Variants in RAD52 observed in about 807,000 individuals in gnomAD.
RAD52 encodes DNA repair protein RAD52 homolog.
In RAD52, 47 loss-of-function variants were observed where a neutral mutation model predicts 55.5. That is an observed-to-expected ratio of 0.85 (90% confidence interval 0.67 to 1.08). The LOEUF (loss-of-function observed/expected upper bound fraction) is 1.08. Ranked by LOEUF, RAD52 falls within the 50% of genes least tolerant of loss-of-function variation. RAD52 has a pLI of 0.00. For missense variants in RAD52, 468 were observed against 522.8 expected (o/e 0.90, Z 1.02); for synonymous variants, 184 against 198.9 (o/e 0.92, Z 0.63).
intron 1 of RAD52, among the ~76,000 whole-genome samples, chr12:968,354 T>A (rs771623751): frequency 6.6e-6 from 1 of 152,012 alleles, no homozygotes; most frequent in Non-Finnish European, 1.5e-5. Context: ...ACAATCCTGG[T>A]GACCCCAGGA....
At chr12:942,380 T>C (rs1364253613) in intron 1 of RAD52, among the ~76,000 whole-genome samples, 1 of 152,162 alleles carries the variant, frequency 6.6e-6, no homozygotes, top group Non-Finnish European at 1.5e-5. Flanking sequence ...GGAAAAGAAA[T>C]TAATATTTAA....
chr12:929,983 C>T, intron 4 of RAD52, 68 bp downstream of exon 4: 1 of 1,576,766 alleles, frequency 6.3e-7, no homozygotes, highest in Non-Finnish European at 8.7e-7. Flanking sequence ...CTTACCTCCT[C>T]ACCCACAGCA....
chr12:932,124 G>A lies in RAD52; in HGVS notation c.85-803C>T, dbSNP rs577051916. ...CTGTAATTCCAGCATTTAGGAGGCC[G>A]AGGCAGGCAGATCACGAGGTCAGGA... On this transcript the variant is annotated intron_variant, in intron 2 of 11. Coordinates refer to ENST00000358495, the MANE Select transcript of RAD52 (RefSeq NM_134424.4). 2.6e-5 allele frequency among the ~76,000 whole-genome samples: 4 copies of A among 152,288 alleles called. No homozygotes were observed. In the South Asian group the frequency reaches 6.2e-4, roughly 24 times the overall value.
Position 914,080 on chromosome 12 carries a change from C to T in RAD52, c.1009G>A (p.Asp337Asn), listed in dbSNP as rs184776294. ...GGCTTGACCACACCATCCCCTGCATCGGGAGTCACAGCCCACTTTTCAGAG... is the reference window on the plus strand; with the variant it reads ...GGCTTGACCACACCATCCCCTGCATTGGGAGTCACAGCCCACTTTTCAGAG... ...DNSEKWAVTP[D>N]AGDGVVKPSS... The change falls in exon 11 of 12, where the codon GAT becomes AAT. Residue 337 changes from aspartate (D) to asparagine (N), a missense_variant. By Grantham distance (23) the Asp-to-Asn change is conservative. Coordinates refer to ENST00000358495, the MANE Select transcript of RAD52 (RefSeq NM_134424.4). The T allele has an allele frequency of 1.5e-5, 25 of 1,614,126 alleles. No homozygotes were observed. In the East Asian group the frequency reaches 3.3e-4, roughly 22 times the overall value.
chr12:965,329 T>G (rs1238215215), intron 1 of RAD52, among the ~76,000 whole-genome samples: 1 of 152,084 alleles, frequency 6.6e-6, no homozygotes, highest in African/African-American at 2.4e-5. Context: ...ATATTTTTCT[T>G]GATGTCTCAG....
intron 1 of RAD52, among the ~76,000 whole-genome samples, chr12:938,576 C>A (rs889377237): frequency 4.6e-5 from 7 of 152,046 alleles, no homozygotes; most frequent in Admixed American, 4.6e-4. Flanking sequence ...CCCAGCAACA[C>A]GGGAGGCTGA....
intron 6 of RAD52, chr12:926,682 C>T (rs1957053433): frequency 5.2e-6 from 6 of 1,151,896 alleles, no homozygotes; most frequent in Non-Finnish European, 6.0e-6. Flanking sequence ...GAATCATAAG[C>T]CAATCAAACC....
chr12:954,690 T>G (rs763828797), upstream of RAD52, among the ~76,000 whole-genome samples: 6 of 152,222 alleles, frequency 3.9e-5, no homozygotes, highest in Non-Finnish European at 8.8e-5. Flanking sequence ...TGATTAATCC[T>G]TTTAAAATTG....
chr12:935,357 C>G (rs1957556424), intron 1 of RAD52, among the ~76,000 whole-genome samples: 1 of 150,666 alleles, frequency 6.6e-6, no homozygotes, highest in South Asian at 2.1e-4. Flanking sequence ...CCTTAACCAG[C>G]AGCATCACCA....
At chr12:941,490 G>A (rs1046525729) in intron 1 of RAD52, among the ~76,000 whole-genome samples, 18 of 151,702 alleles carry the variant, frequency 1.2e-4, no homozygotes, top group African/African-American at 4.1e-4. Context: ...GGCAAATTTT[G>A]TATTTTTCGT....
At chr12:927,052 A>G (rs1957074497) in intron 6 of RAD52, 93 bp downstream of exon 6, 4 of 1,516,956 alleles carry the variant, frequency 2.6e-6, no homozygotes, top group Non-Finnish European at 3.6e-6. Flanking sequence ...TTTTTGAACC[A>G]TGTGGATGTG....
chr12:981,575 G>A (rs1027137081), intron 1 of RAD52, among the ~76,000 whole-genome samples: 2 of 151,880 alleles, frequency 1.3e-5, no homozygotes, highest in African/African-American at 4.8e-5. Context: ...ATGGGGACAT[G>A]GGTCCCAAGC....
chr12:951,039 A>G (rs1189746521), upstream of RAD52, among the ~76,000 whole-genome samples: 1 of 152,128 alleles, frequency 6.6e-6, no homozygotes, highest in Non-Finnish European at 1.5e-5. Context: ...GGTGTGAGCC[A>G]CTGTGCCCAG....
intron 1 of RAD52, among the ~76,000 whole-genome samples, chr12:945,120 G>A (rs141183915): frequency 6.8e-4 from 103 of 152,274 alleles, no homozygotes; most frequent in African/African-American, 2.1e-3. Context: ...GAAGGCCAAT[G>A]CAGACAGATC....
chr12:987,258 C>T (rs543940471), intron 1 of RAD52, among the ~76,000 whole-genome samples: 76 of 152,176 alleles, frequency 5.0e-4, no homozygotes, highest in Admixed American at 7.9e-4. Flanking sequence ...TGTGAGCCAC[C>T]GTGCCCAGCC....
intron 1 of RAD52, among the ~76,000 whole-genome samples, chr12:973,205 G>A (rs1386365521): frequency 6.6e-6 from 1 of 151,970 alleles, no homozygotes. Flanking sequence ...AAGTAGCTGG[G>A]ACTACAGGCG....
At chr12:964,648 A>G (rs1279510011) in intron 1 of RAD52, among the ~76,000 whole-genome samples, 3 of 152,082 alleles carry the variant, frequency 2.0e-5, no homozygotes, top group Non-Finnish European at 4.4e-5. Context: ...GCACAGTCAC[A>G]GCTCACTGCA....
Position 983,190 on chromosome 12 carries a change from C to T in RAD52, c.-19+6619G>A, listed in dbSNP as rs78373047. Among the ~76,000 whole-genome samples, 108 of 152,210 alleles carry T rather than the reference C, an allele frequency of 7.1e-4. 1 individual carries two copies. The East Asian group carries it at 0.018, about 26-fold the overall frequency. ...CAGCACGCACCTCAAAACTCGTTCACTCTCTACCCATTATCCAGTTCCTGA... is the reference window on the plus strand; with the variant it reads ...CAGCACGCACCTCAAAACTCGTTCATTCTCTACCCATTATCCAGTTCCTGA... On this transcript the variant is annotated intron_variant, in intron 1 of 11. Coordinates refer to the RAD52 transcript ENST00000430095.
chr12:914,050 A>G lies in RAD52; in HGVS notation c.1039T>C (p.Ser347Pro), dbSNP rs778924005. Residue 347 changes from serine to proline, a missense_variant, in exon 11 of 12, where the codon TCT becomes CCT. By Grantham distance (74) the Ser-to-Pro change is moderately conservative (BLOSUM62 -1). Transcript: ENST00000358495. ...GAGGTCTGGGCTGGGTCTGCTCTAG[A>G]CGAGGGCTTGACCACACCATCCCCT... ...DAGDGVVKPS[S>P]RADPAQTSDT... is the part of the protein sequence containing the mutation. The G allele has an allele frequency of 6.2e-7, 1 of 1,614,158 alleles. No homozygotes were observed. The highest frequency in any genetic ancestry group is 1.1e-5 in the South Asian group (1 of 91,078).
Sources: gnomAD v4.1 joint callset for allele counts (sites outside exome capture counted in the v4.1 genomes callset) on GRCh38, gnomAD v4.1.1 for gene constraint, MANE v1.5 for transcripts, NCBI Gene and HGNC (gene_info 2026-07-23, HGNC 2026-07-21) for gene names.